SCAPER: variants seen among roughly 807,000 people sequenced by gnomAD.
SCAPER encodes the protein S-phase cyclin A associated protein in the ER.
Under a neutral mutation model 182.2 loss-of-function variants are expected in SCAPER, and 98 were observed. The observed-to-expected ratio is 0.54, with a 90% CI of 0.46 to 0.64. The LOEUF (loss-of-function observed/expected upper bound fraction) is 0.64. Ranked by LOEUF, SCAPER falls within the 30% of genes least tolerant of loss-of-function variation. The probability of loss-of-function intolerance (pLI) is 0.00; values close to 1 mark genes in which losing one functional copy is unlikely to be tolerated. For synonymous variants in SCAPER, 605 were observed against 564.6 expected (o/e 1.07, Z -1.01); for missense variants, 1,432 against 1,690.0 (o/e 0.85, Z 2.68).
chr15:76,427,594 C>G (rs1462060686), intron 26 of SCAPER, among the ~76,000 whole-genome samples: 1 of 152,042 alleles, frequency 6.6e-6, no homozygotes, highest in Non-Finnish European at 1.5e-5. Context: ...GCTTGTAATC[C>G]TAGCACTTTG....
chr15:76,380,854 T>G (rs1478816469), intron 28 of SCAPER: 1 of 152,466 alleles, frequency 6.6e-6, no homozygotes, highest in Non-Finnish European at 1.5e-5. Context: ...GTTATACACT[T>G]TACATTGGAC....
intron 5 of SCAPER, among the ~76,000 whole-genome samples, chr15:76,814,165 C>T (rs2066890725): frequency 6.6e-6 from 1 of 151,426 alleles, no homozygotes; most frequent in Non-Finnish European, 1.5e-5. Context: ...GAGACTCCAT[C>T]TCAAAAAAAA....
intron 23 of SCAPER, among the ~76,000 whole-genome samples, chr15:76,532,798 A>G (rs1002332345): frequency 1.3e-5 from 2 of 152,212 alleles, no homozygotes; most frequent in South Asian, 2.1e-4. Flanking sequence ...TGCAGGCACA[A>G]TGCAGAAGAT....
chr15:76,763,676 G>T (rs1047841290), intron 14 of SCAPER, among the ~76,000 whole-genome samples: 2 of 151,792 alleles, frequency 1.3e-5, no homozygotes, highest in African/African-American at 2.4e-5. Flanking sequence ...TCCTCTTACT[G>T]GGTAATTCCA....
At chr15:76,776,097 T>A (rs2063729703) in intron 8 of SCAPER, among the ~76,000 whole-genome samples, 1 of 152,128 alleles carries the variant, frequency 6.6e-6, no homozygotes, top group African/African-American at 2.4e-5. Flanking sequence ...TGCCTTGGGA[T>A]TTAGGGGACT....
chr15:76,499,060 T>A (rs1052529073), intron 24 of SCAPER, among the ~76,000 whole-genome samples: 1 of 152,230 alleles, frequency 6.6e-6, no homozygotes, highest in African/African-American at 2.4e-5. Flanking sequence ...TGATGTGCTC[T>A]TATTCTAAAA....
chr15:76,899,175 T>A (rs2074608708), intron 1 of SCAPER, among the ~76,000 whole-genome samples: 1 of 152,134 alleles, frequency 6.6e-6, no homozygotes, highest in Admixed American at 6.5e-5. Flanking sequence ...TCGCTCTCCG[T>A]CTCCCTCTTT....
rs964255402 is a variant in SCAPER at position 76,574,409 on chromosome 15, G to C, written c.2712-125C>G. On this transcript the variant is annotated intron_variant, in intron 22 of 31. Transcript: ENST00000563290. ...TTTGAAAATGCTTCACAGAGCATCT[G>C]AGGGGAGAAAAAACCAGACAACCAA... 1.8e-6 allele frequency: 2 copies of C among 1,084,044 alleles called. No homozygotes were observed. The highest frequency in any genetic ancestry group is 5.6e-5 in the Admixed American group (2 of 35,542). 67.2% of individuals were successfully genotyped at this position (1,084,044 alleles called of 1,614,324 possible).
At chr15:76,521,906 C>T (rs937570676) in intron 23 of SCAPER, among the ~76,000 whole-genome samples, 4 of 152,056 alleles carry the variant, frequency 2.6e-5, no homozygotes, top group Non-Finnish European at 4.4e-5. Flanking sequence ...GCCCTGTGTC[C>T]CCAGATACTA....
At chr15:76,723,174 A>G (rs920882828) in intron 17 of SCAPER, among the ~76,000 whole-genome samples, 1 of 151,858 alleles carries the variant, frequency 6.6e-6, no homozygotes, top group Non-Finnish European at 1.5e-5. Context: ...TTCTGCCTTC[A>G]TTTCATTATT....
intron 23 of SCAPER, among the ~76,000 whole-genome samples, chr15:76,559,378 G>T (rs941707524): frequency 3.3e-5 from 5 of 151,616 alleles, no homozygotes; most frequent in African/African-American, 1.2e-4. Context: ...TTTTATAAGG[G>T]GCTCTTTCCC....
chr15:76,779,463 C>T (rs1403313520), intron 8 of SCAPER, among the ~76,000 whole-genome samples: 1 of 151,946 alleles, frequency 6.6e-6, no homozygotes, highest in African/African-American at 2.4e-5. Flanking sequence ...TGGATCAATC[C>T]CACCAAAACC....
chr15:76,736,286 G>T (rs1156446555), intron 15 of SCAPER, among the ~76,000 whole-genome samples: 3 of 152,214 alleles, frequency 2.0e-5, no homozygotes, highest in Non-Finnish European at 4.4e-5. Context: ...CTGGTGGAGA[G>T]TCTTGCACTG....
At chr15:76,616,178 C>G (rs76293206) in intron 22 of SCAPER, among the ~76,000 whole-genome samples, 3 of 152,056 alleles carry the variant, frequency 2.0e-5, no homozygotes, top group Non-Finnish European at 4.4e-5. Flanking sequence ...TATTTGTATA[C>G]CCATGTTCAC....
At chr15:76,897,477 G>A (rs115489502) in intron 1 of SCAPER, among the ~76,000 whole-genome samples, 1,968 of 152,146 alleles carry the variant, frequency 0.013, 38 homozygotes, top group African/African-American at 0.044. Flanking sequence ...AGGCTGAGGC[G>A]GAGAGATTGC....
At chr15:76,641,004 C>G (rs752880895) in intron 21 of SCAPER, among the ~76,000 whole-genome samples, 1 of 152,092 alleles carries the variant, frequency 6.6e-6, no homozygotes, top group Non-Finnish European at 1.5e-5. Flanking sequence ...GCATGAGGGG[C>G]GCCTGTCCAT....
intron 23 of SCAPER, among the ~76,000 whole-genome samples, chr15:76,510,864 CGTGTGTGTGTGT>C (rs58154549): frequency 6.0e-4 from 91 of 150,612 alleles, no homozygotes; most frequent in Middle Eastern, 3.4e-3. Flanking sequence ...CTGGTGCGCG[CGTGTGTGTGTGT>C]GTGTGTGTGT....
intron 4 of SCAPER, among the ~76,000 whole-genome samples, chr15:76,848,273 T>G (rs1272071552): frequency 6.6e-6 from 1 of 151,636 alleles, no homozygotes; most frequent in Non-Finnish European, 1.5e-5. Flanking sequence ...GTGCTGGGAT[T>G]ACAGGCGTGA....
chr15:76,395,899 C>A (rs572685403), intron 27 of SCAPER, among the ~76,000 whole-genome samples: 1 of 152,224 alleles, frequency 6.6e-6, no homozygotes, highest in South Asian at 2.1e-4. Context: ...TTGCAGGGTA[C>A]TATTCAAGAA....
Sources: gnomAD v4.1 joint callset for allele counts (sites outside exome capture counted in the v4.1 genomes callset) on GRCh38, gnomAD v4.1.1 for gene constraint, MANE v1.5 for transcripts, NCBI Gene and HGNC (gene_info 2026-07-23, HGNC 2026-07-21) for gene names.